Variants in UBE3D observed in about 807,000 individuals in gnomAD.
The protein encoded by UBE3D is ubiquitin protein ligase E3D, also known as E3 ubiquitin-protein ligase E3D.
A neutral mutation model predicts 49.6 loss-of-function variants in UBE3D; 48 were observed. That is an observed-to-expected ratio of 0.97 (90% CI 0.77 to 1.23). The LOEUF (loss-of-function observed/expected upper bound fraction) is 1.23, where lower values mean the gene tolerates loss of function less well. Among genes scored for constraint, UBE3D ranks in the 50% most tolerant of loss-of-function variants. The pLI is 0.00. For synonymous variants in UBE3D, 189 were observed against 174.2 expected, an observed-to-expected ratio of 1.08 and a Z score of -0.67; for missense variants, 452 against 468.4, an observed-to-expected ratio of 0.96 and a Z score of 0.32.
rs1322669030 is a variant in UBE3D at position 83,006,074 on chromosome 6, A to T, written c.1010+12899T>A. ...ACCCCGTCTCTACTAAAAATACAAA[A>T]ATTAGCCAGGCATGATGGCTCACGC... is the stretch of plus-strand genomic sequence containing the variant. On this transcript the variant is annotated intron_variant, in intron 8 of 9. Transcript: ENST00000369747. 2.0e-5 allele frequency among the ~76,000 whole-genome samples: 3 copies of T among 152,050 alleles called. No individual in the cohort carries two copies. The East Asian group carries it at 5.8e-4, about 29-fold the overall frequency.
intron 8 of UBE3D, among the ~76,000 whole-genome samples, chr6:82,975,031 CTT>C (rs937795466): frequency 3.3e-5 from 5 of 152,024 alleles, no homozygotes; most frequent in Non-Finnish European, 7.4e-5. Context: ...AACCAAAATA[CTT>C]TTGTTTAAAT....
At chr6:82,972,007 G>C (rs542264814) in intron 8 of UBE3D, among the ~76,000 whole-genome samples, 3 of 152,130 alleles carry the variant, frequency 2.0e-5, no homozygotes, top group South Asian at 2.1e-4. Flanking sequence ...AATAGATGGT[G>C]AGACCAGAGA....
chr6:82,887,713 A>G (rs1463865976), downstream of UBE3D, among the ~76,000 whole-genome samples: 1 of 151,344 alleles, frequency 6.6e-6, no homozygotes, highest in African/African-American at 2.4e-5. Flanking sequence ...CATCCCCCCA[A>G]AAAAAAAGAA....
intron 1 of UBE3D, chr6:83,063,239 C>G (rs1450475191): frequency 8.4e-6 from 2 of 239,268 alleles, no homozygotes; most frequent in Non-Finnish European, 1.7e-5. Context: ...ATGGTGAAAC[C>G]CTATCTCTAC....
intron 8 of UBE3D, among the ~76,000 whole-genome samples, chr6:82,995,507 C>CACACACACAG (rs1308053800): frequency 6.7e-6 from 1 of 149,450 alleles, no homozygotes; most frequent in Non-Finnish European, 1.5e-5. Context: ...CACACACACA[C>CACACACACAG]ACACACACAG....
At chr6:83,054,660 T>A (rs540911446) in intron 2 of UBE3D, among the ~76,000 whole-genome samples, 1 of 152,282 alleles carries the variant, frequency 6.6e-6, no homozygotes, top group Admixed American at 6.5e-5. Context: ...GTTTAATTTT[T>A]TTTTTTTTTG....
rs143198540 is a variant in UBE3D at position 83,042,591 on chromosome 6, A to G, written c.597+1837T>C. On this transcript the variant is annotated intron_variant, in intron 4 of 9. Transcript: ENST00000369747. ...TCTACAGAGCAAACCTCAAAGACAG[A>G]CATTGTTGTGCACTAATTAAGTCAA... is the stretch of plus-strand genomic sequence containing the variant. Among the ~76,000 whole-genome samples, 153 of 152,328 alleles carry G rather than the reference A, an allele frequency of 1.0e-3. 1 individual carries two copies. Among genetic ancestry groups the G allele is most frequent in the Non-Finnish European group, 1.5e-3 (105 of 68,022 alleles).
chr6:82,993,522 A>G (rs1779041588), intron 8 of UBE3D, among the ~76,000 whole-genome samples: 1 of 152,186 alleles, frequency 6.6e-6, no homozygotes, highest in Non-Finnish European at 1.5e-5. Context: ...AATCATCTCT[A>G]GATTATTTAT....
intron 8 of UBE3D, among the ~76,000 whole-genome samples, chr6:83,008,286 A>T (rs1350266492): frequency 6.6e-6 from 1 of 152,236 alleles, no homozygotes; most frequent in African/African-American, 2.4e-5. Context: ...TCTACACATG[A>T]GGCCACAGGT....
At chr6:83,052,521 G>A (rs1034488428) in intron 3 of UBE3D, among the ~76,000 whole-genome samples, 2 of 152,062 alleles carry the variant, frequency 1.3e-5, no homozygotes, top group African/African-American at 4.8e-5. Flanking sequence ...CAGAGTGTGG[G>A]GTGCATTCCT....
In UBE3D at chr6:82,970,947, T is replaced by C. The variant is rs539803511; in HGVS notation, c.1011-13497A>G. 5.9e-5 allele frequency among the ~76,000 whole-genome samples: 9 copies of C among 152,282 alleles called. No individual in the cohort carries two copies. In the East Asian group the frequency reaches 1.7e-3, roughly 29 times the overall value. On this transcript the variant is annotated intron_variant, in intron 8 of 9. Transcript: ENST00000369747. ...AGGATTTTGCATATAATTTTGGGTG[T>C]TTCTCAGATCACCCTCCTCTCCAAG...
At chr6:83,002,313 A>G (rs1336912689) in intron 8 of UBE3D, among the ~76,000 whole-genome samples, 5 of 152,194 alleles carry the variant, frequency 3.3e-5, no homozygotes, top group African/African-American at 1.2e-4. Flanking sequence ...CCAATGCAAC[A>G]GTATTTAGAG....
chr6:83,039,637 T>C (rs1336613906), intron 4 of UBE3D, among the ~76,000 whole-genome samples: 2 of 152,078 alleles, frequency 1.3e-5, no homozygotes, highest in Non-Finnish European at 2.9e-5. Flanking sequence ...TGTTTTTTTT[T>C]GTTTTGTTTT....
At chr6:82,957,042 T>C (rs1372035888) in intron 9 of UBE3D, among the ~76,000 whole-genome samples, 1 of 151,954 alleles carries the variant, frequency 6.6e-6, no homozygotes, top group Non-Finnish European at 1.5e-5. Flanking sequence ...GGCATGAGAA[T>C]TGCTTAAACC....
chr6:83,004,519 C>T (rs1191480398), intron 8 of UBE3D, among the ~76,000 whole-genome samples: 1 of 152,108 alleles, frequency 6.6e-6, no homozygotes, highest in Admixed American at 6.5e-5. Flanking sequence ...GTCAGTGTAC[C>T]CAATTGGGAT....
At chr6:82,885,831 G>C in the UBE3D span, among the ~76,000 whole-genome samples, 8 of 152,282 alleles carry the variant, frequency 5.3e-5, no homozygotes, top group African/African-American at 1.9e-4. Flanking sequence ...CCAGCCAAAT[G>C]TTCTTACTAT....
intron 1 of UBE3D, among the ~76,000 whole-genome samples, chr6:83,062,753 AAG>A (rs1413385984): frequency 6.6e-6 from 1 of 152,232 alleles, no homozygotes; most frequent in Non-Finnish European, 1.5e-5. Context: ...AAAGGTTAAA[AAG>A]GTAGAAAGGA....
intron 8 of UBE3D, among the ~76,000 whole-genome samples, chr6:83,010,707 A>G (rs1034829719): frequency 2.0e-5 from 3 of 152,190 alleles, no homozygotes; most frequent in Admixed American, 6.5e-5. Context: ...TTGGAGTCCA[A>G]TGTTCAAGGG....
chr6:83,018,833 T>C (rs1250614867), intron 8 of UBE3D, 140 bp downstream of exon 8: 4 of 871,882 alleles, frequency 4.6e-6, no homozygotes, highest in African/African-American at 3.5e-5. Flanking sequence ...TTTAAACATA[T>C]AATATTTAGC....
Sources: gnomAD v4.1 joint callset for allele counts (sites outside exome capture counted in the v4.1 genomes callset) on GRCh38, gnomAD v4.1.1 for gene constraint, MANE v1.5 for transcripts, NCBI Gene and HGNC (gene_info 2026-07-23, HGNC 2026-07-21) for gene names.